The following KATNAL2 variants were observed in gnomAD, a reference collection of about 807,000 sequenced individuals.
KATNAL2 encodes the protein katanin catalytic subunit A1 like 2.
A neutral mutation model predicts 76.3 loss-of-function variants in KATNAL2; 52 were observed. The ratio of observed to expected loss-of-function variants is 0.68; its 90% confidence interval spans 0.55 to 0.86. The LOEUF is 0.86. Ranked by LOEUF, KATNAL2 falls within the 40% of genes least tolerant of loss-of-function variation. The probability of loss-of-function intolerance (pLI) is 0.00; values close to 1 mark genes in which losing one functional copy is unlikely to be tolerated. For missense variants in KATNAL2, 660 were observed against 668.9 expected, an observed-to-expected ratio of 0.99 and a Z score of 0.15; for synonymous variants, 243 against 244.2, an observed-to-expected ratio of 1.00 and a Z score of 0.05.
At chr18:46,919,140 C>T (rs987747851) in intron 1 of KATNAL2, among the ~76,000 whole-genome samples, 23 of 151,318 alleles carry the variant, frequency 1.5e-4, no homozygotes, top group African/African-American at 5.6e-4. Flanking sequence ...CACTTGAGGT[C>T]GGGAGTTGCA....
chr18:47,082,327 A>G lies in KATNAL2; in HGVS notation c.1211+4866A>G, dbSNP rs55823857. 1.2e-3 allele frequency among the ~76,000 whole-genome samples: 187 copies of G among 152,298 alleles called. 1 individual carries two copies. The highest frequency in any genetic ancestry group is 2.1e-3 in the Non-Finnish European group (144 of 68,022). On this transcript the variant is annotated intron_variant, in intron 15 of 17. Transcript: ENST00000683218. Reference sequence around the variant, plus strand: ...ATGCCAGTAGCACCTCCTCCCCAGCAGTTGTGACAACCAAAATATGTCTTT... The same window carrying G: ...ATGCCAGTAGCACCTCCTCCCCAGCGGTTGTGACAACCAAAATATGTCTTT...
chr18:47,056,326 C>T (rs934949743), intron 6 of KATNAL2, among the ~76,000 whole-genome samples: 6 of 152,218 alleles, frequency 3.9e-5, no homozygotes, highest in African/African-American at 1.4e-4. Context: ...ACTGTGGTCC[C>T]AGCCCCATCA....
intron 15 of KATNAL2, chr18:47,084,192 G>A (rs1416306198): frequency 8.7e-6 from 5 of 575,264 alleles, no homozygotes; most frequent in Admixed American, 3.1e-5. Context: ...CGGGGCAACT[G>A]CTAACAGGGA....
intron 3 of KATNAL2, among the ~76,000 whole-genome samples, chr18:46,953,727 A>T (rs1160288383): frequency 1.3e-5 from 2 of 151,686 alleles, no homozygotes; most frequent in African/African-American, 4.9e-5. Flanking sequence ...ACTGTACTCC[A>T]ACCTAGGCGA....
At chr18:46,929,665 A>C (rs1420018685) in intron 1 of KATNAL2, among the ~76,000 whole-genome samples, 1 of 152,244 alleles carries the variant, frequency 6.6e-6, no homozygotes, top group African/African-American at 2.4e-5. Flanking sequence ...AATAAATGCT[A>C]TCAACTTTCT....
In KATNAL2 at chr18:47,034,948, T is replaced by C. The variant is rs146911955; in HGVS notation, c.52-11509T>C. Reference sequence around the variant, plus strand: ...TTCTGGGAAGCCCCAGGCCTTTTCCTGGTCCTGAAGAGCCTCCCCGAAGCG... The same window carrying C: ...TTCTGGGAAGCCCCAGGCCTTTTCCCGGTCCTGAAGAGCCTCCCCGAAGCG... On this transcript the variant is annotated intron_variant, in intron 3 of 17. Coordinates refer to ENST00000683218, the MANE Select transcript of KATNAL2 (RefSeq NM_001387690.1). 4.9e-3 allele frequency: 7,830 copies of C among 1,599,744 alleles called. 202 individuals carry two copies. Among genetic ancestry groups the C allele is most frequent in the South Asian group, 0.012 (1,085 of 90,762 alleles).
chr18:47,033,043 T>G (rs1265801441), intron 3 of KATNAL2: 1 of 1,614,174 alleles, frequency 6.2e-7, no homozygotes, highest in South Asian at 1.1e-5. Context: ...TCGAATTGCC[T>G]TGGCCATCAG....
At position 47,054,120 on chromosome 18, in the gene KATNAL2, T is replaced by C. The variant is rs1470543618; in HGVS notation, c.290-276T>C. 2.0e-5 allele frequency among the ~76,000 whole-genome samples: 3 copies of C among 152,330 alleles called. No homozygotes were observed. In the East Asian group the frequency reaches 5.8e-4, roughly 29 times the overall value. ...ATGGTAGCTGTAAAGCTAGCCTATATTGGAGTTGCCACCAGGTCCACAGTC... is the reference window on the plus strand; with the variant it reads ...ATGGTAGCTGTAAAGCTAGCCTATACTGGAGTTGCCACCAGGTCCACAGTC... On this transcript the variant is annotated intron_variant, in intron 5 of 17. Coordinates refer to ENST00000683218, the MANE Select transcript of KATNAL2 (RefSeq NM_001387690.1).
intron 1 of KATNAL2, among the ~76,000 whole-genome samples, chr18:46,923,600 C>T (rs79632661): frequency 0.017 from 2,641 of 152,110 alleles, 24 homozygotes; most frequent in South Asian, 0.031. Flanking sequence ...AGTAATGGGA[C>T]GGCTGGGTCA....
chr18:47,039,009 T>C (rs2060872649), intron 3 of KATNAL2, among the ~76,000 whole-genome samples: 1 of 152,222 alleles, frequency 6.6e-6, no homozygotes, highest in African/African-American at 2.4e-5. Context: ...ACAGGCTCTG[T>C]CTGGGGGCTG....
At chr18:46,960,120 A>G (rs1474085956) in intron 3 of KATNAL2, among the ~76,000 whole-genome samples, 1 of 152,116 alleles carries the variant, frequency 6.6e-6, no homozygotes, top group African/African-American at 2.4e-5. Flanking sequence ...AGCAATAACT[A>G]GATTCTGGTT....
At chr18:46,962,026 T>C (rs1351056152) in intron 3 of KATNAL2, among the ~76,000 whole-genome samples, 1 of 152,184 alleles carries the variant, frequency 6.6e-6, no homozygotes, top group Non-Finnish European at 1.5e-5. Context: ...CTACTGGTCT[T>C]GTATGTTAGT....
intron 3 of KATNAL2, among the ~76,000 whole-genome samples, chr18:47,031,537 C>T (rs1487009416): frequency 6.6e-6 from 1 of 152,050 alleles, no homozygotes; most frequent in Non-Finnish European, 1.5e-5. Flanking sequence ...CTTATAAGTA[C>T]CCTTCCACAG....
chr18:47,080,823 C>T (rs767944696), intron 15 of KATNAL2, among the ~76,000 whole-genome samples: 11 of 152,148 alleles, frequency 7.2e-5, no homozygotes, highest in South Asian at 2.1e-4. Flanking sequence ...GGGCCAATTG[C>T]GTATCTTCTT....
intron 15 of KATNAL2, among the ~76,000 whole-genome samples, chr18:47,094,945 C>G (rs1346890698): frequency 6.6e-6 from 1 of 152,122 alleles, no homozygotes; most frequent in African/African-American, 2.4e-5. Flanking sequence ...ATCAAACCCC[C>G]TATTTTCAAC....
At chr18:47,062,667 G>T (rs557544032) in intron 8 of KATNAL2, among the ~76,000 whole-genome samples, 1 of 152,270 alleles carries the variant, frequency 6.6e-6, no homozygotes, top group South Asian at 2.1e-4. Flanking sequence ...AAGAGGATAA[G>T]ACCATACAGG....
At chr18:46,959,877 G>C (rs1259893981) in intron 3 of KATNAL2, among the ~76,000 whole-genome samples, 1 of 152,110 alleles carries the variant, frequency 6.6e-6, no homozygotes, top group Non-Finnish European at 1.5e-5. Flanking sequence ...GCCTGGCCAG[G>C]TTTTAATTTT....
At chr18:47,033,372 T>G (rs748544977) in intron 3 of KATNAL2, 1 of 1,614,188 alleles carries the variant, frequency 6.2e-7, no homozygotes, top group Non-Finnish European at 8.5e-7. Flanking sequence ...TGGGGTTGTT[T>G]CCACGTGCAG....
intron 10 of KATNAL2, among the ~76,000 whole-genome samples, chr18:47,065,101 C>T (rs2061749721): frequency 6.6e-6 from 1 of 152,156 alleles, no homozygotes; most frequent in African/African-American, 2.4e-5. Flanking sequence ...AGACTGAGTC[C>T]TTTCTCTACC....
Sources: gnomAD v4.1 joint callset for allele counts (sites outside exome capture counted in the v4.1 genomes callset) on GRCh38, gnomAD v4.1.1 for gene constraint, MANE v1.5 for transcripts, NCBI Gene and HGNC (gene_info 2026-07-23, HGNC 2026-07-21) for gene names.